RYR2: variants seen among roughly 807,000 people sequenced by gnomAD.
The protein encoded by RYR2 is cardiac muscle ryanodine receptor-calcium release channel.
RYR2 carries 227 observed loss-of-function variants against 601.1 expected under a neutral mutation model. That is an observed-to-expected ratio of 0.38 (90% CI 0.34 to 0.42). The LOEUF (loss-of-function observed/expected upper bound fraction) is 0.42. Ranked by LOEUF, RYR2 falls within the 10% of genes least tolerant of loss-of-function variation. The pLI is 1.00. For missense variants in RYR2, 4,646 were observed against 6,156.5 expected, an observed-to-expected ratio of 0.75 and a Z score of 8.21; for synonymous variants, 2,223 against 2,175.1, an observed-to-expected ratio of 1.02 and a Z score of -0.61.
chr1:237,436,631 C>G (rs11808468), intron 12 of RYR2, among the ~76,000 whole-genome samples: 1 of 150,284 alleles, frequency 6.7e-6, no homozygotes, highest in Non-Finnish European at 1.5e-5. Flanking sequence ...TAAAAAAATT[C>G]TTTTGACTTT....
chr1:237,441,794 CT>C (rs1707927433), intron 13 of RYR2, among the ~76,000 whole-genome samples: 1 of 152,080 alleles, frequency 6.6e-6, no homozygotes, highest in African/African-American at 2.4e-5. Flanking sequence ...AAGTCCGTTA[CT>C]GACATCCCCT....
intron 101 of RYR2, among the ~76,000 whole-genome samples, chr1:237,822,526 G>A (rs897800564): frequency 6.6e-6 from 1 of 152,116 alleles, no homozygotes; most frequent in Non-Finnish European, 1.5e-5. Flanking sequence ...GCTCCTGAAG[G>A]AAGCATTAAA....
At chr1:237,079,741 C>G (rs1665392708) in intron 1 of RYR2, among the ~76,000 whole-genome samples, 1 of 142,792 alleles carries the variant, frequency 7.0e-6, no homozygotes, top group Non-Finnish European at 1.5e-5. Flanking sequence ...CCCCATCAAG[C>G]TAGCAATGCC....
intron 3 of RYR2, among the ~76,000 whole-genome samples, chr1:237,338,862 A>T (rs1302463893): frequency 6.6e-6 from 1 of 152,186 alleles, no homozygotes; most frequent in African/African-American, 2.4e-5. Context: ...ATTAAAGCAC[A>T]TTGGGGTAAT....
chr1:237,191,205 CAA>C (rs932191509), intron 1 of RYR2, among the ~76,000 whole-genome samples: 17 of 152,254 alleles, frequency 1.1e-4, no homozygotes, highest in Non-Finnish European at 2.1e-4. Flanking sequence ...GTACCCTTGT[CAA>C]AAGTCATTGG....
chr1:237,129,622 G>T (rs1558288046), intron 1 of RYR2, among the ~76,000 whole-genome samples: 1 of 150,980 alleles, frequency 6.6e-6, no homozygotes, highest in Non-Finnish European at 1.5e-5. Flanking sequence ...TAAAGTATGA[G>T]ATATATATAT....
intron 4 of RYR2, among the ~76,000 whole-genome samples, chr1:237,358,797 A>G (rs1441500895): frequency 6.6e-6 from 1 of 152,042 alleles, no homozygotes; most frequent in East Asian, 1.9e-4. Context: ...CCCAGCTCCC[A>G]GGGATATCAG....
At chr1:237,512,460 G>A (rs928342186) in intron 24 of RYR2, among the ~76,000 whole-genome samples, 1 of 152,154 alleles carries the variant, frequency 6.6e-6, no homozygotes, top group Non-Finnish European at 1.5e-5. Context: ...GAACTTTGGG[G>A]TGAAGTCTGT....
At chr1:237,365,275 G>T (rs1700092219) in intron 5 of RYR2, among the ~76,000 whole-genome samples, 1 of 152,178 alleles carries the variant, frequency 6.6e-6, no homozygotes, top group South Asian at 2.1e-4. Flanking sequence ...AGATGGAAAA[G>T]ATTGCTTTGA....
intron 1 of RYR2, among the ~76,000 whole-genome samples, chr1:237,143,885 C>G (rs1029110263): frequency 1.3e-5 from 2 of 152,180 alleles, no homozygotes; most frequent in Non-Finnish European, 2.9e-5. Context: ...TATCCTAGCA[C>G]TTTGGGAGGC....
intron 10 of RYR2, among the ~76,000 whole-genome samples, chr1:237,414,541 T>G (rs2150015518): frequency 6.6e-6 from 1 of 152,306 alleles, no homozygotes; most frequent in South Asian, 2.1e-4. Context: ...TGGCACAAAA[T>G]TATTTTTAAT....
chr1:237,269,042 C>CTTT (rs200563683), intron 1 of RYR2, among the ~76,000 whole-genome samples: 5 of 113,218 alleles, frequency 4.4e-5, no homozygotes, highest in East Asian at 4.9e-4. Flanking sequence ...ATAGCATATT[C>CTTT]TTTTTTTTTT....
At chr1:237,317,986 T>A (rs1477786487) in intron 2 of RYR2, among the ~76,000 whole-genome samples, 1 of 152,190 alleles carries the variant, frequency 6.6e-6, no homozygotes, top group East Asian at 1.9e-4. Context: ...TTTGCCATGT[T>A]GTTTTTTCAT....
intron 8 of RYR2, 124 bp downstream of exon 8, chr1:237,377,559 C>T (rs1170943831): frequency 3.3e-6 from 2 of 614,886 alleles, no homozygotes; most frequent in Non-Finnish European, 5.5e-6. Flanking sequence ...TCCTCTATCT[C>T]TATTAGATTA....
intron 1 of RYR2, among the ~76,000 whole-genome samples, chr1:237,256,118 A>G (rs1486615032): frequency 2.0e-5 from 3 of 152,112 alleles, no homozygotes; most frequent in Admixed American, 2.0e-4. Context: ...TCATAGGGGC[A>G]GTTTCCCCCA....
intron 66 of RYR2, among the ~76,000 whole-genome samples, chr1:237,702,729 G>C (rs1439058179): frequency 1.3e-5 from 2 of 151,938 alleles, no homozygotes; most frequent in East Asian, 1.9e-4. Context: ...TCATTCAAAA[G>C]TTTATTTCAA....
chr1:237,278,970 T>C (rs1050506395), intron 2 of RYR2, among the ~76,000 whole-genome samples: 49 of 152,328 alleles, frequency 3.2e-4, no homozygotes, highest in African/African-American at 1.1e-3. Flanking sequence ...GGTTTTAAGT[T>C]GAATTAGATC....
At chr1:237,047,487 G>A (rs982963030) in intron 1 of RYR2, among the ~76,000 whole-genome samples, 32 of 148,572 alleles carry the variant, frequency 2.2e-4, no homozygotes, top group African/African-American at 7.1e-4. Context: ...TCTTTGACCC[G>A]GATACCTTAT....
chr1:237,315,360 A>G (rs1449583341), intron 2 of RYR2, among the ~76,000 whole-genome samples: 3 of 152,118 alleles, frequency 2.0e-5, no homozygotes, highest in African/African-American at 4.8e-5. Flanking sequence ...AAATTTTTAG[A>G]CCATCATCAA....
Sources: gnomAD v4.1 joint callset for allele counts (sites outside exome capture counted in the v4.1 genomes callset) on GRCh38, gnomAD v4.1.1 for gene constraint, MANE v1.5 for transcripts, NCBI Gene and HGNC (gene_info 2026-07-23, HGNC 2026-07-21) for gene names.